The following ALDH5A1 variants were observed in gnomAD, a reference collection of about 807,000 sequenced individuals.
ALDH5A1 encodes the protein aldehyde dehydrogenase 5 family member A1, also known as succinate-semialdehyde dehydrogenase, mitochondrial.
Under a neutral mutation model 54.7 loss-of-function variants are expected in ALDH5A1, and 33 were observed. The ratio of observed to expected loss-of-function variants is 0.60; its 90% CI spans 0.46 to 0.81. The LOEUF is 0.81. Ranked by LOEUF, ALDH5A1 falls within the 30% of genes least tolerant of loss-of-function variation. The probability of loss-of-function intolerance (pLI) is 0.00; values close to 1 mark genes in which losing one functional copy is unlikely to be tolerated. For synonymous variants in ALDH5A1, 294 were observed against 292.7 expected (o/e 1.00, Z -0.05); for missense variants, 657 against 711.0 (o/e 0.92, Z 0.86).
chr6:24,529,594 A>G (rs550997710), intron 8 of ALDH5A1, among the ~76,000 whole-genome samples: 1 of 149,206 alleles, frequency 6.7e-6, no homozygotes, highest in South Asian at 2.1e-4. Context: ...AAATTTTACT[A>G]TCTGGTATGG....
At chr6:24,511,038 A>T (rs1054201269) in intron 4 of ALDH5A1, among the ~76,000 whole-genome samples, 4 of 152,284 alleles carry the variant, frequency 2.6e-5, no homozygotes, top group African/African-American at 7.2e-5. Flanking sequence ...TTCTCTCAGC[A>T]TGTGTTTGTC....
intron 1 of ALDH5A1, among the ~76,000 whole-genome samples, chr6:24,497,563 G>A (rs1764738593): frequency 1.3e-5 from 2 of 152,142 alleles, no homozygotes; most frequent in African/African-American, 2.4e-5. Flanking sequence ...CAATCCTCTT[G>A]TAAGACAGAA....
intron 4 of ALDH5A1, among the ~76,000 whole-genome samples, chr6:24,514,724 T>C (rs555167923): frequency 6.6e-6 from 1 of 151,254 alleles, no homozygotes; most frequent in South Asian, 2.1e-4. Flanking sequence ...AGCAAGACTG[T>C]CTTAAAAAAA....
chr6:24,515,595 A>T (rs1759555455), intron 5 of ALDH5A1, among the ~76,000 whole-genome samples: 1 of 152,114 alleles, frequency 6.6e-6, no homozygotes, highest in Admixed American at 6.5e-5. Flanking sequence ...GGTGGTGCAC[A>T]CCCGTAATCC....
At chr6:24,515,068 CT>C in intron 4 of ALDH5A1, 98 bp from the exon 5 acceptor site, 1 of 1,291,854 alleles carries the variant, frequency 7.7e-7, no homozygotes, top group Non-Finnish European at 1.1e-6. Flanking sequence ...TCTTCCATTA[CT>C]TTTTGGGTTA....
intron 4 of ALDH5A1, among the ~76,000 whole-genome samples, chr6:24,514,154 G>C (rs965991413): frequency 1.3e-5 from 2 of 152,230 alleles, no homozygotes; most frequent in Non-Finnish European, 2.9e-5. Flanking sequence ...AGATCAGGTA[G>C]CTGTGGGTTT....
intron 1 of ALDH5A1, among the ~76,000 whole-genome samples, chr6:24,498,145 C>T (rs1764748773): frequency 6.6e-6 from 1 of 152,112 alleles, no homozygotes; most frequent in Admixed American, 6.5e-5. Flanking sequence ...ATGAGGATAG[C>T]TGAATTGAAC....
In ALDH5A1 at chr6:24,518,816, G is replaced by C. The variant is rs963676838; in HGVS notation, c.871-1585G>C. ...TGACCTCAGAATGTACAACACTTGG[G>C]GGGCAATCCTAGAGCCACCTTGGGC... On this transcript the variant is annotated intron_variant, in intron 5 of 9. Transcript: ENST00000357578. The surrounding 1 kb of genome is among the most constrained non-coding windows in gnomAD (Gnocchi z 4.2). Among the ~76,000 whole-genome samples, 4 of 152,124 alleles carry C rather than the reference G, an allele frequency of 2.6e-5. No individual in the cohort carries two copies. Among genetic ancestry groups the C allele is most frequent in the African/African-American group, 4.8e-5 (2 of 41,422 alleles).
At chr6:24,500,698 AC>A (rs1375022619) in intron 1 of ALDH5A1, among the ~76,000 whole-genome samples, 3 of 150,342 alleles carry the variant, frequency 2.0e-5, no homozygotes, top group Non-Finnish European at 4.4e-5. Flanking sequence ...GGAACTATAT[AC>A]CTTTGTATGG....
intron 1 of ALDH5A1, among the ~76,000 whole-genome samples, chr6:24,502,104 G>C (rs558508411): frequency 6.6e-6 from 1 of 152,196 alleles, no homozygotes; most frequent in Non-Finnish European, 1.5e-5. Flanking sequence ...TCCAGTCTGA[G>C]TTCCAGACTG....
intron 4 of ALDH5A1, 72 bp downstream of exon 4, chr6:24,505,057 A>C (rs1482165523): frequency 6.6e-7 from 1 of 1,524,928 alleles, no homozygotes; most frequent in Non-Finnish European, 9.1e-7. Flanking sequence ...GGACAGAAAG[A>C]AGCAATTTTG....
At chr6:24,529,545 T>C (rs1292954014) in intron 8 of ALDH5A1, among the ~76,000 whole-genome samples, 6 of 152,198 alleles carry the variant, frequency 3.9e-5, no homozygotes, top group Admixed American at 3.9e-4. Flanking sequence ...TTTTTCTCTT[T>C]GGAAACATTT....
chr6:24,523,983 GT>G lies in ALDH5A1; in HGVS notation c.1173+1059del, dbSNP rs1271886804. Among the ~76,000 whole-genome samples the G allele has an allele frequency of 9.3e-5, 11 of 118,060 alleles. 1 individual carries two copies. The highest frequency in any genetic ancestry group is 5.4e-4 in the Admixed American group (6 of 11,124). 77.5% of individuals were successfully genotyped at this position (118,060 alleles called of 152,430 possible). On this transcript the variant is annotated intron_variant, in intron 7 of 9. Transcript: ENST00000357578. Reference sequence around the variant, plus strand: ...TGTAATATCAAACATCCAGTTTTTTGTGTTTTTTTTTTTTTTTTTTGAGACG... The same window carrying G: ...TGTAATATCAAACATCCAGTTTTTTGGTTTTTTTTTTTTTTTTTTGAGACG...
At chr6:24,530,044 T>G (rs1759899046) in intron 8 of ALDH5A1, among the ~76,000 whole-genome samples, 1 of 152,214 alleles carries the variant, frequency 6.6e-6, no homozygotes, top group South Asian at 2.1e-4. Context: ...TCTTCTTCCT[T>G]TCATTTATGC....
Position 24,528,286 on chromosome 6 carries a change from C to T in ALDH5A1, c.1343+120C>T. 3 of 1,130,902 alleles carry T rather than the reference C, an allele frequency of 2.7e-6. No homozygotes were observed. In the Admixed American group the frequency reaches 6.2e-5, roughly 23 times the overall value. The allele number at this position is 1,130,902 out of a possible 1,614,324, so 70.1% of individuals were successfully genotyped here. A position where few individuals can be genotyped will look rare whatever the true frequency, so the allele number is the denominator to read the frequency against. On this transcript the variant is annotated intron_variant, in intron 8 of 9. Coordinates refer to ENST00000357578, the MANE Select transcript of ALDH5A1 (RefSeq NM_001080.3). Reference sequence around the variant, plus strand: ...CAGGAGGCAGACAGTTGTGTTGAGTCCATTGAAGAGCAGAGTGCAATTTAT... The same window carrying T: ...CAGGAGGCAGACAGTTGTGTTGAGTTCATTGAAGAGCAGAGTGCAATTTAT...
At position 24,526,154 on chromosome 6, in the gene ALDH5A1, T is replaced by C. The variant is rs1221565854; in HGVS notation, c.1174-1843T>C. Among the ~76,000 whole-genome samples the C allele has an allele frequency of 4.0e-5, 6 of 151,800 alleles. No individual in the cohort carries two copies. In the East Asian group the frequency reaches 9.7e-4, roughly 24 times the overall value. Reference sequence around the variant, plus strand: ...ATCCCCAAATTGATCAACCCAGTCCTTGTGTGTGTGTGTGTCCCCCAAACA... The same window carrying C: ...ATCCCCAAATTGATCAACCCAGTCCCTGTGTGTGTGTGTGTCCCCCAAACA... On this transcript the variant is annotated intron_variant, in intron 7 of 9. Coordinates refer to ENST00000357578, the MANE Select transcript of ALDH5A1 (RefSeq NM_001080.3).
chr6:24,506,832 G>T (rs994732974), intron 4 of ALDH5A1, among the ~76,000 whole-genome samples: 4 of 50,004 alleles, frequency 8.0e-5, no homozygotes, highest in Non-Finnish European at 1.8e-4. Flanking sequence ...CCTATTACTA[G>T]CAGCTTACAT....
At position 24,528,015 on chromosome 6, in the gene ALDH5A1, G is replaced by C. The variant is rs894412564; in HGVS notation, c.1192G>C (p.Asp398His). 4 of 1,613,936 alleles carry C rather than the reference G, an allele frequency of 2.5e-6. No homozygotes were observed. Among genetic ancestry groups the C allele is most frequent in the Admixed American group, 3.3e-5 (2 of 60,002 alleles). ...TACACAGGTGGAGAAACAGGTGAAT[G>C]ATGCCGTTTCTAAAGGTGCCACCGT... ...AVEKVEKQVN[D>H]AVSKGATVVT... The change falls in exon 8 of 10, where the codon GAT (aspartate) becomes CAT (histidine). Residue 398 changes from aspartate to histidine, a missense_variant. Physicochemically the swap from Asp to His is moderately conservative, Grantham distance 81. Transcript: ENST00000357578.
intron 6 of ALDH5A1, chr6:24,522,501 G>GTGTATGTGTGTA: frequency 2.8e-6 from 1 of 361,780 alleles, no homozygotes; most frequent in South Asian, 2.6e-5. Context: ...GTGTGTGTGT[G>GTGTATGTGTGTA]TGTACAGGTG....
Sources: allele counts gnomAD v4.1 joint callset (sites outside exome capture counted in the v4.1 genomes callset), GRCh38; gene constraint gnomAD v4.1.1; non-coding constraint Gnocchi (gnomAD v3.1); transcripts MANE v1.5; gene names NCBI Gene and HGNC (gene_info 2026-07-23, HGNC 2026-07-21).